Variants in PCDHGA2 observed in about 807,000 individuals in gnomAD.
The protein encoded by PCDHGA2 is protocadherin gamma subfamily A, 2, also known as protocadherin gamma-A2.
Under a neutral mutation model 59.2 loss-of-function variants are expected in PCDHGA2, and 40 were observed. The observed-to-expected ratio is 0.68, with a 90% CI of 0.52 to 0.88. The LOEUF is 0.88. PCDHGA2 is among the 40% of genes least tolerant of loss of function. The pLI is 0.00. For missense variants in PCDHGA2, 1,226 were observed against 1,204.0 expected (o/e 1.02, Z -0.27); for synonymous variants, 560 against 526.0 (o/e 1.06, Z -0.89).
At chr5:141,481,963 TA>T (rs1158466251) in intron 1 of PCDHGA2, among the ~76,000 whole-genome samples, 1 of 148,746 alleles carries the variant, frequency 6.7e-6, no homozygotes, top group Non-Finnish European at 1.5e-5. Context: ...CAGGTGCCTG[TA>T]GTCACAGCTA....
chr5:141,491,567 C>T lies in PCDHGA2; in HGVS notation c.2425-3240C>T, dbSNP rs2099721325. On this transcript the variant is annotated intron_variant, in intron 1 of 3. Transcript: ENST00000394576. The surrounding 1 kb of genome is among the most constrained non-coding windows in gnomAD (Gnocchi z 6.9). ...GACTCGCAGAGCCACTGCTACAGGACGTGCTTTTCACCGGCCTCGGACGGC... is the reference window on the plus strand; with the variant it reads ...GACTCGCAGAGCCACTGCTACAGGATGTGCTTTTCACCGGCCTCGGACGGC... 1.9e-6 allele frequency: 3 copies of T among 1,614,004 alleles called. No individual in the cohort carries two copies. The highest frequency in any genetic ancestry group is 2.5e-6 in the Non-Finnish European group (3 of 1,180,034).
intron 1 of PCDHGA2, chr5:141,392,442 A>C (rs1355396676): frequency 1.2e-5 from 2 of 161,844 alleles, no homozygotes; most frequent in East Asian, 3.6e-4. Context: ...TGTTTCTTTT[A>C]AAATATGGGT....
chr5:141,478,617 G>A (rs1010415342), intron 1 of PCDHGA2: 1 of 1,556,398 alleles, frequency 6.4e-7, no homozygotes, highest in Non-Finnish European at 8.7e-7. Context: ...AGGAAGGAAT[G>A]GAGCTGTTTT....
intron 1 of PCDHGA2, chr5:141,398,072 G>T: frequency 1.9e-6 from 3 of 1,588,646 alleles, no homozygotes; most frequent in Non-Finnish European, 2.6e-6. Context: ...CAATACAGAG[G>T]TTATTTGTAA....
At chr5:141,421,583 G>A (rs765321947) in intron 1 of PCDHGA2, 1 of 1,613,796 alleles carries the variant, frequency 6.2e-7, no homozygotes, top group African/African-American at 1.3e-5. Context: ...AAGATTTACG[G>A]AGTGGAGGTG....
At chr5:141,365,775 GCGACAACGCTC>G (rs763426695) in intron 1 of PCDHGA2, 1 of 1,613,864 alleles carries the variant, frequency 6.2e-7, no homozygotes, top group East Asian at 2.2e-5. Flanking sequence ...CCCGACAGCG[GCGACAACGCTC>G]GAGTCACCTA....
At chr5:141,442,005 C>G (rs1037210381) in intron 1 of PCDHGA2, 1 of 229,014 alleles carries the variant, frequency 4.4e-6, no homozygotes. Flanking sequence ...GCTGACAGCT[C>G]GCACGATGGG....
chr5:141,499,191 C>A (rs920773306), intron 2 of PCDHGA2, among the ~76,000 whole-genome samples: 1 of 152,116 alleles, frequency 6.6e-6, no homozygotes, highest in Non-Finnish European at 1.5e-5. Context: ...ACCATTTCCC[C>A]CTTCTTAGGC....
intron 1 of PCDHGA2, chr5:141,468,682 C>A (rs377685711): frequency 4.6e-5 from 7 of 151,296 alleles, no homozygotes; most frequent in African/African-American, 1.7e-4. Context: ...CTGGCTAACA[C>A]GGTGAAACCC....
At chr5:141,421,718 G>C (rs778263773) in intron 1 of PCDHGA2, 1 of 1,613,966 alleles carries the variant, frequency 6.2e-7, no homozygotes, top group Middle Eastern at 1.7e-4. Context: ...CCAGATGTGG[G>C]CGTGAACTCC....
chr5:141,492,079 G>C (rs1400390407), intron 1 of PCDHGA2: 3 of 486,286 alleles, frequency 6.2e-6, no homozygotes, highest in South Asian at 4.1e-5. Flanking sequence ...CGCCGGCTCC[G>C]GCACGCTTCG....
chr5:141,444,194 G>A (rs1209269773), intron 1 of PCDHGA2, among the ~76,000 whole-genome samples: 1 of 67,352 alleles, frequency 1.5e-5, no homozygotes, highest in Non-Finnish European at 2.7e-5. Flanking sequence ...TTTTTGAGAT[G>A]GAGTTTCACT....
At chr5:141,365,319 G>C (rs745669256) in intron 1 of PCDHGA2, 34 of 1,613,864 alleles carry the variant, frequency 2.1e-5, no homozygotes, top group Non-Finnish European at 2.9e-5. Flanking sequence ...CTTGTTGCCA[G>C]CGCTAAGGTG....
In PCDHGA2 at chr5:141,432,088, A is replaced by T. The variant is rs144317211; in HGVS notation, c.2425-62719A>T. The T allele has an allele frequency of 2.9e-5, 47 of 1,614,148 alleles. No individual in the cohort carries two copies. In the African/African-American group the frequency reaches 5.7e-4, roughly 20 times the overall value. On this transcript the variant is annotated intron_variant, in intron 1 of 3. Transcript: ENST00000394576. This position sits in a 1 kb window ranked among gnomAD's most constrained non-coding sequence, Gnocchi z 6.0. Reference sequence around the variant, plus strand: ...AAACTCATATCTCGCTGAACGTGGCAGACACCAACGACAACCCGCCGGTCT... The same window carrying T: ...AAACTCATATCTCGCTGAACGTGGCTGACACCAACGACAACCCGCCGGTCT...
At chr5:141,357,165 G>C (rs368780365) in intron 1 of PCDHGA2, 1 of 1,613,556 alleles carries the variant, frequency 6.2e-7, no homozygotes, top group Non-Finnish European at 8.5e-7. Flanking sequence ...CCCCTCTCTC[G>C]GCCACCGTCA....
At chr5:141,437,104 T>C (rs539232057) in intron 1 of PCDHGA2, among the ~76,000 whole-genome samples, 1 of 152,338 alleles carries the variant, frequency 6.6e-6, no homozygotes, top group African/African-American at 2.4e-5. Flanking sequence ...GGCTTAGCTT[T>C]AGGATTTTTA....
Position 141,490,140 on chromosome 5 carries a change from G to T in PCDHGA2, c.2425-4667G>T. On this transcript the variant is annotated intron_variant, in intron 1 of 3. Transcript: ENST00000394576. This position sits in a 1 kb window ranked among gnomAD's most constrained non-coding sequence, Gnocchi z 5.4. Reference sequence around the variant, plus strand: ...TCTTTGGCCTAGACCCTAGCAGTGGGGCAATCCATGTGTTGGGTCCCATAG... The same window carrying T: ...TCTTTGGCCTAGACCCTAGCAGTGGTGCAATCCATGTGTTGGGTCCCATAG... 1 of 1,614,206 alleles carries T rather than the reference G, an allele frequency of 6.2e-7. No homozygotes were observed. The highest frequency in any genetic ancestry group is 8.5e-7 in the Non-Finnish European group (1 of 1,180,026).
intron 1 of PCDHGA2, among the ~76,000 whole-genome samples, chr5:141,464,193 A>C (rs991769179): frequency 1.3e-5 from 2 of 149,674 alleles, no homozygotes; most frequent in Non-Finnish European, 3.0e-5. Flanking sequence ...TGATTTCAGG[A>C]GGCGGAGATT....
At chr5:141,395,121 T>C (rs773964445) in intron 1 of PCDHGA2, 1 of 1,614,192 alleles carries the variant, frequency 6.2e-7, no homozygotes, top group East Asian at 2.2e-5. Flanking sequence ...TCACCTGATC[T>C]TTCCCCAGCC....
Sources: gnomAD v4.1 joint callset for allele counts (sites outside exome capture counted in the v4.1 genomes callset) on GRCh38, gnomAD v4.1.1 for gene constraint, Gnocchi (gnomAD v3.1) non-coding constraint, MANE v1.5 for transcripts, NCBI Gene and HGNC (gene_info 2026-07-23, HGNC 2026-07-21) for gene names.